Variants in UNC13C observed in about 807,000 individuals in gnomAD.
The protein encoded by UNC13C is unc-13 homolog C, also known as protein unc-13 homolog C.
In UNC13C, 174 loss-of-function variants were observed where a neutral mutation model predicts 245.4. The ratio of observed to expected loss-of-function variants is 0.71; its 90% confidence interval spans 0.63 to 0.80. The LOEUF (loss-of-function observed/expected upper bound fraction) is 0.80, where lower values mean the gene tolerates loss of function less well. Among genes scored for constraint, UNC13C ranks in the 30% least tolerant of loss-of-function variants. The probability of loss-of-function intolerance (pLI) is 0.00; values close to 1 mark genes in which losing one functional copy is unlikely to be tolerated. For missense variants in UNC13C, 2,829 were observed against 2,602.9 expected, an observed-to-expected ratio of 1.09 and a Z score of -1.89; for synonymous variants, 992 against 895.1, an observed-to-expected ratio of 1.11 and a Z score of -1.93.
At chr15:54,563,799 C>T (rs774068157) in intron 29 of UNC13C, among the ~76,000 whole-genome samples, 1 of 151,964 alleles carries the variant, frequency 6.6e-6, no homozygotes, top group Non-Finnish European at 1.5e-5. Context: ...ATCCTTCAAA[C>T]CCAAGCCTCA....
the UNC13C span, among the ~76,000 whole-genome samples, chr15:53,941,043 C>T: frequency 8.3e-6 from 1 of 120,648 alleles, no homozygotes; most frequent in Non-Finnish European, 1.8e-5. Flanking sequence ...TCATGCTACC[C>T]AGCTTCAAAC....
intron 30 of UNC13C, among the ~76,000 whole-genome samples, chr15:54,605,388 C>A (rs1197824211): frequency 6.6e-6 from 1 of 152,178 alleles, no homozygotes; most frequent in Non-Finnish European, 1.5e-5. Context: ...TATCATAGCA[C>A]AGATGCCACT....
chr15:54,613,293 A>C (rs1900223657), intron 30 of UNC13C, among the ~76,000 whole-genome samples: 1 of 151,932 alleles, frequency 6.6e-6, no homozygotes, highest in African/African-American at 2.4e-5. Context: ...GCAATCTATA[A>C]ATACAATGAT....
chr15:53,865,450 T>A, the UNC13C span, among the ~76,000 whole-genome samples: 26 of 152,204 alleles, frequency 1.7e-4, no homozygotes, highest in Non-Finnish European at 3.2e-4. Context: ...TTGACCTTTT[T>A]TGTGTGCATG....
intron 29 of UNC13C, among the ~76,000 whole-genome samples, chr15:54,564,247 G>T (rs941948050): frequency 6.6e-6 from 1 of 151,930 alleles, no homozygotes; most frequent in Admixed American, 6.6e-5. Flanking sequence ...ATTAGTTTCT[G>T]CCCTTAAAAA....
chr15:54,326,636 G>A (rs945445462), intron 14 of UNC13C, among the ~76,000 whole-genome samples: 1 of 152,060 alleles, frequency 6.6e-6, no homozygotes, highest in Non-Finnish European at 1.5e-5. Flanking sequence ...CAAGAGAGAA[G>A]GAGGGGAGAA....
chr15:54,376,059 G>C (rs565722617), intron 17 of UNC13C, among the ~76,000 whole-genome samples: 3 of 151,578 alleles, frequency 2.0e-5, no homozygotes, highest in East Asian at 1.9e-4. Flanking sequence ...TATTCTTTCT[G>C]TCTTTAAGAC....
In UNC13C at chr15:54,533,603, G is replaced by A. The variant is rs144365311; in HGVS notation, c.5696+537G>A. On this transcript the variant is annotated intron_variant, in intron 26 of 32. Coordinates refer to ENST00000260323, the MANE Select transcript of UNC13C (RefSeq NM_001080534.3). The stretch of plus-strand genomic sequence containing the variant: ...CTGGACAGTGAAGAAAAAGAAAGCC[G>A]AAGTCCCTGATACCATGGAGATTAC... 3.9e-5 allele frequency among the ~76,000 whole-genome samples: 6 copies of A among 152,322 alleles called. No homozygotes were observed. The East Asian group carries it at 1.2e-3, about 29-fold the overall frequency.
intron 4 of UNC13C, among the ~76,000 whole-genome samples, chr15:54,228,443 C>T (rs1438623677): frequency 6.6e-6 from 1 of 152,150 alleles, no homozygotes; most frequent in Non-Finnish European, 1.5e-5. Context: ...ATTGCCATCA[C>T]AGCTGGGAAT....
chr15:54,479,984 G>C (rs2141060716), intron 19 of UNC13C, among the ~76,000 whole-genome samples: 1 of 152,068 alleles, frequency 6.6e-6, no homozygotes, highest in African/African-American at 2.4e-5. Context: ...TTTTGCACTT[G>C]GGATATTTCA....
chr15:53,923,923 C>T, the UNC13C span, among the ~76,000 whole-genome samples: 8 of 152,188 alleles, frequency 5.3e-5, no homozygotes, highest in African/African-American at 1.4e-4. Flanking sequence ...AGAGACAGCA[C>T]GGGCTGGGCG....
At position 54,270,255 on chromosome 15, in the gene UNC13C, G is replaced by T. The variant is rs140196006; in HGVS notation, c.3818+4759G>T. 9.0e-3 allele frequency among the ~76,000 whole-genome samples: 1,376 copies of T among 152,248 alleles called. 20 individuals carry two copies. Among genetic ancestry groups the T allele is most frequent in the Non-Finnish European group, 0.01 (707 of 68,018 alleles). On this transcript the variant is annotated intron_variant, in intron 10 of 32. Coordinates refer to ENST00000260323, the MANE Select transcript of UNC13C (RefSeq NM_001080534.3). Reference sequence around the variant, plus strand: ...CACAGTGAATTTATGTTCAGACGTTGAAAAATGTATACACATCACAGATGA... The same window carrying T: ...CACAGTGAATTTATGTTCAGACGTTTAAAAATGTATACACATCACAGATGA...
the UNC13C span, among the ~76,000 whole-genome samples, chr15:53,906,140 C>A: frequency 8.5e-5 from 13 of 152,076 alleles, no homozygotes; most frequent in Middle Eastern, 3.4e-3. Flanking sequence ...TCAAGACAAG[C>A]CTGGGCAACA....
At chr15:53,885,849 A>G in the UNC13C span, among the ~76,000 whole-genome samples, 2 of 152,166 alleles carry the variant, frequency 1.3e-5, no homozygotes, top group Admixed American at 1.3e-4. Context: ...TGCAATACCA[A>G]AAACAAAAGG....
the UNC13C span, among the ~76,000 whole-genome samples, chr15:53,923,478 G>C: frequency 1.3e-5 from 2 of 152,214 alleles, no homozygotes; most frequent in Non-Finnish European, 2.9e-5. Context: ...AGAGGATTGT[G>C]ATAACTTGAC....
At chr15:54,432,924 TCC>T (rs923821181) in intron 19 of UNC13C, among the ~76,000 whole-genome samples, 9 of 151,880 alleles carry the variant, frequency 5.9e-5, no homozygotes, top group Admixed American at 5.3e-4. Context: ...TCACCACTGA[TCC>T]CACAGAAACA....
At chr15:54,528,764 C>G (rs1895602444) in intron 25 of UNC13C, among the ~76,000 whole-genome samples, 5 of 152,150 alleles carry the variant, frequency 3.3e-5, no homozygotes, top group Admixed American at 3.3e-4. Context: ...GTGATTTTGA[C>G]TACAGCCAGC....
intron 13 of UNC13C, among the ~76,000 whole-genome samples, chr15:54,306,520 G>A (rs914876795): frequency 2.0e-5 from 3 of 151,854 alleles, no homozygotes; most frequent in African/African-American, 7.3e-5. Context: ...ATCTATATAT[G>A]CAATGTGTAT....
intron 23 of UNC13C, among the ~76,000 whole-genome samples, chr15:54,507,452 T>C (rs898185933): frequency 6.6e-6 from 1 of 152,026 alleles, no homozygotes; most frequent in African/African-American, 2.4e-5. Flanking sequence ...AATAAATCAT[T>C]GAAAATAAAC....
Sources: allele counts gnomAD v4.1 joint callset (sites outside exome capture counted in the v4.1 genomes callset), GRCh38; gene constraint gnomAD v4.1.1; transcripts MANE v1.5; gene names NCBI Gene and HGNC (gene_info 2026-07-23, HGNC 2026-07-21).